Variants in BTAF1 observed in about 807,000 individuals in gnomAD.
BTAF1 encodes TATA-binding protein-associated factor 172.
A neutral mutation model predicts 227.1 loss-of-function variants in BTAF1; 38 were observed. The observed-to-expected ratio is 0.17, with a 90% CI of 0.13 to 0.22. The LOEUF (loss-of-function observed/expected upper bound fraction) is 0.22. Ranked by LOEUF, BTAF1 falls within the 10% of genes least tolerant of loss-of-function variation. BTAF1 has a pLI of 1.00. For synonymous variants in BTAF1, 742 were observed against 751.9 expected (o/e 0.99, Z 0.21); for missense variants, 1,598 against 2,204.0 (o/e 0.73, Z 5.51).
intron 25 of BTAF1, among the ~76,000 whole-genome samples, chr10:92,006,436 G>C (rs1358182785): frequency 6.6e-6 from 1 of 152,128 alleles, no homozygotes; most frequent in Non-Finnish European, 1.5e-5. Context: ...ACACTTTTGT[G>C]ATCATGGTAT....
chr10:91,994,671 T>A (rs773515382), intron 23 of BTAF1, 27 bp downstream of exon 23: 2 of 1,554,664 alleles, frequency 1.3e-6, no homozygotes, highest in East Asian at 2.2e-5. Context: ...AGTGTAATAT[T>A]TCTTCAAATA....
At chr10:91,957,126 G>T (rs1038615911) in intron 7 of BTAF1, 99 bp from the exon 8 acceptor site, 5 of 817,678 alleles carry the variant, frequency 6.1e-6, no homozygotes, top group Non-Finnish European at 9.5e-6. Flanking sequence ...AAGCCTGATT[G>T]CTACTACTAG....
rs552211283 is a variant in BTAF1 at position 91,982,014 on chromosome 10, T to TA, written c.1906-68dup. 4.3e-4 allele frequency: 639 copies of TA among 1,501,856 alleles called. 9 individuals carry two copies. The South Asian group carries it at 7.8e-3, about 18-fold the overall frequency. The allele number at this position is 1,501,856 out of a possible 1,614,324, so 93.0% of individuals were successfully genotyped here. On this transcript the variant is annotated intron_variant, in intron 16 of 37. Transcript: ENST00000265990. ...TACTGGGATTATTTTAAAAATATCA[T>TA]ATTTTTGTTGTTGCCTATTCAGTTT...
chr10:92,011,047 C>G, intron 28 of BTAF1, 26 bp from the exon 29 acceptor site: 2 of 1,544,882 alleles, frequency 1.3e-6, no homozygotes, highest in Non-Finnish European at 1.8e-6. Context: ...TCTCTGTTTT[C>G]TAATTTTATT....
At chr10:92,001,977 TATATATATACAC>T (rs1254257433) in intron 25 of BTAF1, among the ~76,000 whole-genome samples, 18 of 70,566 alleles carry the variant, frequency 2.6e-4, no homozygotes, top group South Asian at 5.6e-4. Flanking sequence ...ACCATATATA[TATATATATACAC>T]ACACACACAC....
At chr10:91,968,770 T>G (rs1460684821) in intron 14 of BTAF1, among the ~76,000 whole-genome samples, 1 of 152,230 alleles carries the variant, frequency 6.6e-6, no homozygotes, top group African/African-American at 2.4e-5. Flanking sequence ...TGTTTTAATT[T>G]GCAGTTTCCT....
intron 33 of BTAF1, 152 bp from the exon 34 acceptor site, chr10:92,018,631 G>A: frequency 3.3e-6 from 2 of 601,912 alleles, no homozygotes; most frequent in Non-Finnish European, 5.3e-6. Context: ...CATTTGAACT[G>A]GTTCTTGAAG....
chr10:91,953,942 A>G, intron 6 of BTAF1, 69 bp downstream of exon 6: 1 of 1,561,152 alleles, frequency 6.4e-7, no homozygotes, highest in Non-Finnish European at 8.7e-7. Flanking sequence ...TGTCTGCTTG[A>G]TTTATAGAAA....
At chr10:91,964,346 C>A in intron 13 of BTAF1, 145 bp downstream of exon 13, 1 of 948,872 alleles carries the variant, frequency 1.1e-6, no homozygotes, top group Non-Finnish European at 1.5e-6. Context: ...TTTCAGAAGG[C>A]CTTGTCTTTT....
chr10:92,018,739 A>T (rs1268388124), intron 33 of BTAF1, 44 bp from the exon 34 acceptor site: 2 of 1,369,048 alleles, frequency 1.5e-6, no homozygotes, highest in Admixed American at 2.7e-5. Context: ...AATATTTGTG[A>T]TATGCGAAAT....
At chr10:91,948,175 C>G (rs1564664389) in intron 4 of BTAF1, among the ~76,000 whole-genome samples, 1 of 145,244 alleles carries the variant, frequency 6.9e-6, no homozygotes, top group African/African-American at 2.5e-5. Flanking sequence ...CACCCCACGA[C>G]AGGCCCCGGT....
chr10:91,956,959 T>C (rs1255373804), intron 7 of BTAF1, among the ~76,000 whole-genome samples: 1 of 151,976 alleles, frequency 6.6e-6, no homozygotes, highest in Non-Finnish European at 1.5e-5. Context: ...CACCGCACTC[T>C]AGCCTGGCCT....
chr10:91,962,886 A>G (rs1846619580), intron 12 of BTAF1, among the ~76,000 whole-genome samples: 1 of 151,926 alleles, frequency 6.6e-6, no homozygotes, highest in Non-Finnish European at 1.5e-5. Flanking sequence ...TCATGTACAT[A>G]ATATATAGGG....
intron 37 of BTAF1, among the ~76,000 whole-genome samples, chr10:92,027,516 A>G (rs1851596673): frequency 6.6e-6 from 1 of 151,720 alleles, no homozygotes; most frequent in South Asian, 2.1e-4. Context: ...GTGTCTTGCC[A>G]CAAGGTTTCT....
chr10:91,996,015 G>T lies in BTAF1; in HGVS notation c.3310-354G>T, dbSNP rs557425496. On this transcript the variant is annotated intron_variant, in intron 23 of 37. Transcript: ENST00000265990. Reference sequence around the variant, plus strand: ...GCTACCAAATTTGGAGGGAGCTGGTGATGTGTGGTGCTGTTTTCCAGCTTC... The same window carrying T: ...GCTACCAAATTTGGAGGGAGCTGGTTATGTGTGGTGCTGTTTTCCAGCTTC... Among the ~76,000 whole-genome samples, 12 of 152,318 alleles carry T rather than the reference G, an allele frequency of 7.9e-5. No individual in the cohort carries two copies. In the East Asian group the frequency reaches 1.9e-3, roughly 24 times the overall value.
intron 36 of BTAF1, 149 bp from the exon 37 acceptor site, chr10:92,026,981 C>G: frequency 1.1e-6 from 1 of 911,790 alleles, no homozygotes; most frequent in Non-Finnish European, 1.6e-6. Flanking sequence ...GTGATTGCTG[C>G]ACACATTTTG....
intron 30 of BTAF1, among the ~76,000 whole-genome samples, chr10:92,013,122 T>C (rs188794517): frequency 6.6e-6 from 1 of 152,300 alleles, no homozygotes; most frequent in African/African-American, 2.4e-5. Flanking sequence ...AAGGGTACCT[T>C]AGGACCTGCA....
intron 8 of BTAF1, among the ~76,000 whole-genome samples, chr10:91,957,573 C>G (rs1254120700): frequency 6.6e-6 from 1 of 152,164 alleles, no homozygotes. Flanking sequence ...AAAATACTTC[C>G]TTTCCTTTGG....
chr10:92,000,144 A>G (rs1394821021), intron 25 of BTAF1, among the ~76,000 whole-genome samples: 2 of 152,236 alleles, frequency 1.3e-5, no homozygotes, highest in Non-Finnish European at 2.9e-5. Flanking sequence ...AACAACAAAG[A>G]TACTAGACCA....
Sources: gnomAD v4.1 joint callset for allele counts (sites outside exome capture counted in the v4.1 genomes callset) on GRCh38, gnomAD v4.1.1 for gene constraint, MANE v1.5 for transcripts, NCBI Gene and HGNC (gene_info 2026-07-23, HGNC 2026-07-21) for gene names.